Variants in KMT2C observed in about 807,000 individuals in gnomAD.
The protein encoded by KMT2C is lysine methyltransferase 2C, also known as histone-lysine N-methyltransferase 2C.
KMT2C carries 88 observed loss-of-function variants against 507.9 expected under a neutral mutation model. The ratio of observed to expected loss-of-function variants is 0.17; its 90% CI spans 0.15 to 0.21. The LOEUF (loss-of-function observed/expected upper bound fraction) is 0.21, where lower values mean the gene tolerates loss of function less well. Among genes scored for constraint, KMT2C ranks in the 10% least tolerant of loss-of-function variants. The pLI is 1.00. For synonymous variants in KMT2C, 2,049 were observed against 2,080.8 expected (o/e 0.98, Z 0.42); for missense variants, 4,954 against 5,957.8 (o/e 0.83, Z 5.55).
rs2129101601 is a variant in KMT2C, at chr7:152,159,016, T to C, written c.11517A>G (p.Lys3839=). The part of the protein sequence containing the change: ...GGFGCGNQLP[K]TDGGSETKKQ... ...TCTTGGTTTCACTTCCTCCATCTGT[T>C]TTTGGCAACTGGTTGCCACATCCAA... Residue 3839 remains lysine, a synonymous_variant, in exon 44 of 59, where the codon AAA becomes AAG. Transcript: ENST00000262189. 1 of 1,614,196 alleles carries C rather than the reference T, an allele frequency of 6.2e-7. No individual in the cohort carries two copies. Among genetic ancestry groups the C allele is most frequent in the Non-Finnish European group, 8.5e-7 (1 of 1,180,030 alleles).
chr7:152,146,516 C>T, intron 53 of KMT2C, 83 bp downstream of exon 53: 1 of 1,374,712 alleles, frequency 7.3e-7, no homozygotes, highest in Non-Finnish European at 1.0e-6. Context: ...TGAAGAGTGC[C>T]ACAAATGTTA....
Position 152,151,723 on chromosome 7 carries a change from A to G in KMT2C, c.12527-142T>C, listed in dbSNP as rs1432509069. The G allele has an allele frequency of 2.0e-5, 12 of 591,404 alleles. No individual in the cohort carries two copies. In the East Asian group the frequency reaches 3.7e-4, roughly 18 times the overall value. The allele number at this position is 591,404 out of a possible 1,614,324, so 36.6% of individuals were successfully genotyped here. Reference sequence around the variant, plus strand: ...AATTAATAAAAAAAATTTATCTTCTAAGCAATGGTTACAGAGTCGATTATC... The same window carrying G: ...AATTAATAAAAAAAATTTATCTTCTGAGCAATGGTTACAGAGTCGATTATC... On this transcript the variant is annotated intron_variant, in intron 49 of 58. Coordinates refer to ENST00000262189, the MANE Select transcript of KMT2C (RefSeq NM_170606.3).
intron 3 of KMT2C, among the ~76,000 whole-genome samples, chr7:152,322,355 C>G (rs1423735998): frequency 6.6e-6 from 1 of 151,856 alleles, no homozygotes; most frequent in Non-Finnish European, 1.5e-5. Context: ...AAATACCACC[C>G]TGGCTCAAAA....
rs2091890765 is a variant in KMT2C at position 152,154,398 on chromosome 7, G to A, written c.12008C>T (p.Pro4003Leu). ...GDRDTPDSFV[P>L]SSSPESVVGV... ...AACCACACTCTCAGGAGAGGATGAG[G>A]GAACAAAACTGTCAGGAGTATCTCG... Residue 4003 changes from proline (P) to leucine (L), a missense_variant, in exon 47 of 59, where the codon CCC becomes CTC. This residue lies in a region of KMT2C where 6 missense variants were observed against 23.3 expected (regional missense o/e 0.26). Coordinates refer to ENST00000262189, the MANE Select transcript of KMT2C (RefSeq NM_170606.3). The A allele has an allele frequency of 1.2e-6, 2 of 1,613,934 alleles. No individual in the cohort carries two copies. Among genetic ancestry groups the A allele is most frequent in the Admixed American group, 1.7e-5 (1 of 60,002 alleles).
rs545182661 is a variant in KMT2C at position 152,182,460 on chromosome 7, A to C, written c.5400T>G (p.Asp1800Glu). Residue 1800 changes from aspartate to glutamate, a missense_variant, in exon 36 of 59, where the codon GAT becomes GAG. Transcript: ENST00000262189. ...GACTCTGTATCCCACTACTTGGTGTATCTGAACCAGACTGCACCAGAAGAT... is the reference window on the plus strand; with the variant it reads ...GACTCTGTATCCCACTACTTGGTGTCTCTGAACCAGACTGCACCAGAAGAT... ...SQHLLVQSGSDTPSSGIQSPL... is the reference protein window; with the variant it reads ...SQHLLVQSGSETPSSGIQSPL... 3.7e-6 allele frequency: 6 copies of C among 1,614,168 alleles called. No individual in the cohort carries two copies. In the South Asian group the frequency reaches 6.6e-5, roughly 18 times the overall value.
intron 41 of KMT2C, among the ~76,000 whole-genome samples, chr7:152,168,229 C>T (rs2092817674): frequency 6.6e-6 from 1 of 151,614 alleles, no homozygotes; most frequent in Non-Finnish European, 1.5e-5. Flanking sequence ...TGAATAAATA[C>T]ATTTCTAAGA....
intron 50 of KMT2C, 77 bp from the exon 51 acceptor site, chr7:152,151,084 A>G: frequency 2.3e-6 from 2 of 859,404 alleles, no homozygotes; most frequent in South Asian, 3.2e-5. Flanking sequence ...CATTATTTTT[A>G]TGTTATATTC....
intron 7 of KMT2C, among the ~76,000 whole-genome samples, chr7:152,269,110 C>A (rs1652623061): frequency 6.6e-6 from 1 of 152,156 alleles, no homozygotes; most frequent in East Asian, 1.9e-4. Context: ...TTATACTGCA[C>A]AGCACTGTTA....
chr7:152,327,111 A>G (rs1215800104), intron 3 of KMT2C, among the ~76,000 whole-genome samples: 1 of 152,226 alleles, frequency 6.6e-6, no homozygotes, highest in Non-Finnish European at 1.5e-5. Flanking sequence ...TAAATAAATA[A>G]CAATGGCATT....
rs1191349497 is a variant in KMT2C, at chr7:152,162,283, G to A, written c.11294C>T (p.Ala3765Val). Residue 3765 changes from alanine to valine, a missense_variant, in exon 43 of 59, where the codon GCC (alanine) becomes GTC (valine). Transcript: ENST00000262189. Reference protein sequence around the residue: ...SAQSPPHSAGAPAAKGDSGNE... With the variant: ...SAQSPPHSAGVPAAKGDSGNE... ...CCCTGAGTCTCCTTTGGCAGCAGGG[G>A]CCCCAGCAGAATGGGGAGGACTCTG... 2 of 1,614,100 alleles carry A rather than the reference G, an allele frequency of 1.2e-6. No homozygotes were observed. The highest frequency in any genetic ancestry group is 1.7e-6 in the Non-Finnish European group (2 of 1,179,962).
chr7:152,272,311 C>A (rs1010803655), intron 7 of KMT2C, among the ~76,000 whole-genome samples: 4 of 152,158 alleles, frequency 2.6e-5, no homozygotes, highest in African/African-American at 9.7e-5. Context: ...GAAAGTAGCA[C>A]TGCCATTAAG....
intron 1 of KMT2C, among the ~76,000 whole-genome samples, chr7:152,400,313 A>C (rs947388242): frequency 4.6e-5 from 7 of 152,216 alleles, no homozygotes; most frequent in Admixed American, 1.3e-4. Flanking sequence ...CGTCTCAAAA[A>C]AATAAAAAAA....
chr7:152,412,551 A>G (rs1180615994), intron 1 of KMT2C, among the ~76,000 whole-genome samples: 1 of 152,146 alleles, frequency 6.6e-6, no homozygotes, highest in Non-Finnish European at 1.5e-5. Flanking sequence ...CTGGCTCCGT[A>G]AACAATTCTA....
chr7:152,293,506 C>T (rs2096457087), intron 6 of KMT2C, among the ~76,000 whole-genome samples: 1 of 152,060 alleles, frequency 6.6e-6, no homozygotes, highest in Non-Finnish European at 1.5e-5. Context: ...TTCCTACAGG[C>T]AAAGAATTTT....
At chr7:152,231,696 A>T (rs1317039544) in intron 16 of KMT2C, among the ~76,000 whole-genome samples, 1 of 151,624 alleles carries the variant, frequency 6.6e-6, no homozygotes, top group East Asian at 2.0e-4. Flanking sequence ...CAGGAGAATC[A>T]CTTGAACCCA....
rs188099462 is a variant in KMT2C at position 152,152,240 on chromosome 7, C to T, written c.12526+465G>A. Among the ~76,000 whole-genome samples, 84 of 152,254 alleles carry T rather than the reference C, an allele frequency of 5.5e-4. 1 individual carries two copies. The highest frequency in any genetic ancestry group is 5.6e-4 in the Non-Finnish European group (38 of 68,010). ...TTGTTCCATTCTCAGAGATGGGGGG[C>T]ATGAACACCTCTGTGGGAAGAGAAG... On this transcript the variant is annotated intron_variant, in intron 49 of 58. Transcript: ENST00000262189.
intron 41 of KMT2C, among the ~76,000 whole-genome samples, chr7:152,167,659 A>G (rs370605718): frequency 3.3e-5 from 5 of 152,344 alleles, no homozygotes; most frequent in Non-Finnish European, 5.9e-5. Context: ...TTATGTAATG[A>G]AATTCTTTTT....
intron 31 of KMT2C, among the ~76,000 whole-genome samples, chr7:152,188,629 T>C (rs2093698314): frequency 6.9e-6 from 1 of 145,820 alleles, no homozygotes; most frequent in Non-Finnish European, 1.5e-5. Flanking sequence ...TTTTTTGTTT[T>C]TGAGATGGAG....
At chr7:152,286,392 A>G (rs2096297660) in intron 6 of KMT2C, among the ~76,000 whole-genome samples, 1 of 152,296 alleles carries the variant, frequency 6.6e-6, no homozygotes, top group East Asian at 1.9e-4. Context: ...AACCAAAGAT[A>G]AAGAGAAAAT....
Sources: gnomAD v4.1 joint callset for allele counts (sites outside exome capture counted in the v4.1 genomes callset) on GRCh38, gnomAD v4.1.1 for gene constraint, gnomAD v4.1.1 regional missense constraint, MANE v1.5 for transcripts, NCBI Gene and HGNC (gene_info 2026-07-23, HGNC 2026-07-21) for gene names.